The following NBPF20 variants were observed in gnomAD, a reference collection of about 807,000 sequenced individuals.
NBPF20 encodes NBPF member 20.
NBPF20 carries 90 observed loss-of-function variants against 68.1 expected under a neutral mutation model. The ratio of observed to expected loss-of-function variants is 1.32; its 90% CI spans 1.11 to 1.58. The LOEUF is 1.58. Ranked by LOEUF, NBPF20 falls within the 40% of genes most tolerant of loss-of-function variation. The probability of loss-of-function intolerance (pLI) is 0.00; values close to 1 mark genes in which losing one functional copy is unlikely to be tolerated. For synonymous variants in NBPF20, 290 were observed against 228.1 expected, an observed-to-expected ratio of 1.27 and a Z score of -2.45; for missense variants, 816 against 601.2, an observed-to-expected ratio of 1.36 and a Z score of -3.74.
the NBPF20 span, among the ~76,000 whole-genome samples, chr1:145,411,075 G>A: frequency 5.5e-5 from 8 of 145,214 alleles, no homozygotes; most frequent in Non-Finnish European, 9.1e-5. Context: ...TCTGGAAATA[G>A]GTAGTGAATT....
At chr1:145,407,524 C>T (rs1558983556), upstream of NBPF20, among the ~76,000 whole-genome samples, 2 of 144,350 alleles carry the variant, frequency 1.4e-5, no homozygotes, top group African/African-American at 5.1e-5. Context: ...TATATACATA[C>T]GTGTATATAT....
intron 7 of NBPF20, among the ~76,000 whole-genome samples, chr1:145,396,748 G>GTGTA (rs1442586683): frequency 3.8e-5 from 4 of 105,908 alleles, no homozygotes; most frequent in Admixed American, 2.8e-4. Context: ...TATTTTTTGT[G>GTGTA]TGTATGTATA....
rs1265154237 is a variant in NBPF20 at position 145,393,949 on chromosome 1, C to T, written c.992-14G>A. On this transcript the variant is annotated splice_polypyrimidine_tract_variant and intron_variant, in intron 8 of 137. Coordinates refer to ENST00000369373, the Ensembl canonical transcript of NBPF20. ...CCCACCGATGTCCTGCAAATAAATT[C>T]AGATGGGCCCTCTTACATTAAGCAG... 1.6e-6 allele frequency: 2 copies of T among 1,285,388 alleles called. No individual in the cohort carries two copies. The highest frequency in any genetic ancestry group is 1.7e-5 in the Admixed American group (1 of 59,634). 79.6% of individuals were successfully genotyped at this position (1,285,388 alleles called of 1,614,324 possible).
chr1:145,407,811 G>A (rs1662871783), upstream of NBPF20: 1 of 156,094 alleles, frequency 6.4e-6, no homozygotes, highest in Admixed American at 6.5e-5. Flanking sequence ...TTAGGACACG[G>A]CCATTGTGGG....
rs1181867215 is a variant in NBPF20 at position 145,393,940 on chromosome 1, A to G, written c.992-5T>C. ...TCACTTGATCCCACCGATGTCCTGC[A>G]AATAAATTCAGATGGGCCCTCTTAC... On this transcript the variant is annotated splice_region_variant and splice_polypyrimidine_tract_variant and intron_variant, in intron 8 of 137. Transcript: ENST00000369373. The G allele has an allele frequency of 3.4e-5, 45 of 1,338,200 alleles. No individual in the cohort carries two copies. Among genetic ancestry groups the G allele is most frequent in the Non-Finnish European group, 4.3e-5 (41 of 942,560 alleles). The allele number at this position is 1,338,200 out of a possible 1,614,324, so 82.9% of individuals were successfully genotyped here. A position where few individuals can be genotyped will look rare whatever the true frequency, so the allele number is the denominator to read the frequency against.
intron 9 of NBPF20, among the ~76,000 whole-genome samples, chr1:145,393,477 A>T (rs1240024197): frequency 1.3e-5 from 2 of 151,832 alleles, no homozygotes; most frequent in Non-Finnish European, 2.9e-5. Context: ...ACACACACAC[A>T]CACACACACA....
upstream of NBPF20, among the ~76,000 whole-genome samples, chr1:145,407,236 C>T (rs1439915849): frequency 6.7e-5 from 10 of 150,046 alleles, no homozygotes; most frequent in Non-Finnish European, 1.3e-4. Context: ...AATGAGAACA[C>T]TTGGACACAG....
chr1:145,390,325 C>G (rs1192062682), intron 13 of NBPF20, among the ~76,000 whole-genome samples: 211 of 59,878 alleles, frequency 3.5e-3, no homozygotes, highest in African/African-American at 8.1e-3. Flanking sequence ...CACACACACA[C>G]ACACACACAC....
At chr1:145,408,788 C>G (rs1553668337), upstream of NBPF20, among the ~76,000 whole-genome samples, 1 of 151,946 alleles carries the variant, frequency 6.6e-6, no homozygotes, top group African/African-American at 2.4e-5. Flanking sequence ...GGCCTCGTAC[C>G]TGCTTCATTG....
Position 145,392,733 on chromosome 1 carries a change from G to T in NBPF20, c.1216+341C>A. 2.9e-5 allele frequency among the ~76,000 whole-genome samples: 2 copies of T among 69,484 alleles called. 1 individual carries two copies. Among genetic ancestry groups the T allele is most frequent in the Non-Finnish European group, 4.8e-5 (2 of 41,572 alleles). 45.6% of individuals were successfully genotyped at this position (69,484 alleles called of 152,430 possible). Reference sequence around the variant, plus strand: ...ATTGTTCATGGTAGCGAGGATTTTAGACGCTGAAATTAGAGTGAAGGATGA... The same window carrying T: ...ATTGTTCATGGTAGCGAGGATTTTATACGCTGAAATTAGAGTGAAGGATGA... On this transcript the variant is annotated intron_variant, in intron 10 of 137. Coordinates refer to ENST00000369373, the Ensembl canonical transcript of NBPF20.
At chr1:145,424,844 AAAT>A in the NBPF20 span, among the ~76,000 whole-genome samples, 1 of 152,178 alleles carries the variant, frequency 6.6e-6, no homozygotes, top group Non-Finnish European at 1.5e-5. Context: ...TGATGGCTAC[AAAT>A]GCTCCTCATG....
At chr1:145,400,282 C>T in intron 6 of NBPF20, 107 bp downstream of exon 11, 4 of 1,589,700 alleles carry the variant, frequency 2.5e-6, no homozygotes, top group African/African-American at 1.3e-5. Context: ...TTTAGAAACC[C>T]ATCACAGTTT....
chr1:145,311,999 C>A lies in NBPF20; in HGVS notation c.13660+209G>T, dbSNP rs1336630708. Among the ~76,000 whole-genome samples, 12 of 62,384 alleles carry A rather than the reference C, an allele frequency of 1.9e-4. 1 individual carries two copies. Among genetic ancestry groups the A allele is most frequent in the Non-Finnish European group, 2.7e-4 (10 of 36,832 alleles). The allele number at this position is 62,384 out of a possible 152,430, so 40.9% of individuals were successfully genotyped here. On this transcript the variant is annotated intron_variant, in intron 112 of 137. Transcript: ENST00000369373. ...TAGGATTAGGGCGCCACAGGCATGG[C>A]CTGAGACTAGGAAGAGAGCCTTGCT...
chr1:145,397,396 G>C (rs1166021396), intron 7 of NBPF20, among the ~76,000 whole-genome samples: 2 of 152,152 alleles, frequency 1.3e-5, no homozygotes, highest in Non-Finnish European at 2.9e-5. Context: ...CAGTGTAAAA[G>C]TGTTCCTATT....
chr1:145,417,396 G>A, the NBPF20 span, among the ~76,000 whole-genome samples: 1 of 143,392 alleles, frequency 7.0e-6, no homozygotes, highest in Non-Finnish European at 1.5e-5. Flanking sequence ...AGGGATCCTG[G>A]GTTCAATGAT....
chr1:145,295,087 T>A (rs1661266135), intron 133 of NBPF20, 133 bp from the exon 139 acceptor site: 1 of 552,014 alleles, frequency 1.8e-6, no homozygotes, highest in Admixed American at 3.5e-5. Context: ...GGTAATGAAT[T>A]ATTGCCTTTA....
chr1:145,311,863 T>G (rs1661492251), intron 112 of NBPF20, among the ~76,000 whole-genome samples: 1 of 111,772 alleles, frequency 8.9e-6, no homozygotes, highest in Non-Finnish European at 1.8e-5. Flanking sequence ...TAGCGAGGAT[T>G]TTAGATGCTG....
Position 145,291,377 on chromosome 1 carries a change from C to A in NBPF20, c.*149G>T, listed in dbSNP as rs1319184233. The A allele has an allele frequency of 4.5e-6, 7 of 1,555,226 alleles. No individual in the cohort carries two copies. In the African/African-American group the frequency reaches 5.5e-5, roughly 12 times the overall value. On this transcript the variant is annotated 3_prime_UTR_variant, in exon 138 of 138. Coordinates refer to ENST00000369373, the Ensembl canonical transcript of NBPF20. ...TCTTCAGACTGAGCACAGGTTGCCA[C>A]TGGCATGGTTTGAGAATAGGAATAC...
At chr1:145,292,046 G>C (rs1362484814) in intron 137 of NBPF20, among the ~76,000 whole-genome samples, 4 of 149,530 alleles carry the variant, frequency 2.7e-5, no homozygotes, top group East Asian at 1.9e-4. Flanking sequence ...GGGAGTCAAA[G>C]GACACTCTGA....
Sources: allele counts gnomAD v4.1 joint callset (sites outside exome capture counted in the v4.1 genomes callset), GRCh38; gene constraint gnomAD v4.1.1; transcripts MANE v1.5; gene names NCBI Gene and HGNC (gene_info 2026-07-23, HGNC 2026-07-21).